The following SEC23A variants were observed in gnomAD, a reference collection of about 807,000 sequenced individuals.
SEC23A encodes protein transport protein Sec23A.
SEC23A carries 56 observed loss-of-function variants against 103.7 expected under a neutral mutation model. The ratio of observed to expected loss-of-function variants is 0.54; its 90% CI spans 0.44 to 0.67. SEC23A has a LOEUF of 0.67. SEC23A is among the 30% of genes least tolerant of loss of function. SEC23A has a pLI of 0.00. For synonymous variants in SEC23A, 281 were observed against 293.0 expected, an observed-to-expected ratio of 0.96 and a Z score of 0.42; for missense variants, 784 against 936.4, an observed-to-expected ratio of 0.84 and a Z score of 2.12.
chr14:39,054,551 G>A (rs1886177772), intron 14 of SEC23A, among the ~76,000 whole-genome samples: 1 of 151,866 alleles, frequency 6.6e-6, no homozygotes. Context: ...GCTCACTGCA[G>A]CCTCAAACCT....
At chr14:39,048,067 C>T (rs1374596363) in intron 15 of SEC23A, among the ~76,000 whole-genome samples, 1 of 152,140 alleles carries the variant, frequency 6.6e-6, no homozygotes, top group African/African-American at 2.4e-5. Context: ...CCCCTTATGT[C>T]AAATGGAAAA....
At chr14:39,059,807 C>A (rs1003843400) in intron 13 of SEC23A, among the ~76,000 whole-genome samples, 3 of 152,072 alleles carry the variant, frequency 2.0e-5, no homozygotes, top group African/African-American at 7.2e-5. Flanking sequence ...GATATAATGC[C>A]ATTATCATAT....
chr14:39,067,858 T>C (rs1006089178), intron 9 of SEC23A, among the ~76,000 whole-genome samples: 2 of 151,908 alleles, frequency 1.3e-5, no homozygotes, highest in South Asian at 2.1e-4. Context: ...TTTGTAGAGA[T>C]AGGGTTTTGC....
intron 1 of SEC23A, among the ~76,000 whole-genome samples, chr14:39,101,718 C>T (rs1239646081): frequency 6.6e-6 from 1 of 151,948 alleles, no homozygotes; most frequent in Non-Finnish European, 1.5e-5. Context: ...AATGTACTTG[C>T]CAAGTAAATT....
At chr14:39,041,973 G>C (rs1329933837) in intron 17 of SEC23A, among the ~76,000 whole-genome samples, 1 of 151,578 alleles carries the variant, frequency 6.6e-6, no homozygotes, top group African/African-American at 2.4e-5. Context: ...TTTTTGTAGA[G>C]ACAGGGTCTC....
chr14:39,087,081 A>T, intron 5 of SEC23A, 73 bp from the exon 6 acceptor site: 1 of 916,530 alleles, frequency 1.1e-6, no homozygotes, highest in East Asian at 2.4e-5. Context: ...TATCATGTAT[A>T]AAATGCTGTG....
At chr14:39,058,688 C>G (rs2139219283) in intron 13 of SEC23A, among the ~76,000 whole-genome samples, 1 of 152,282 alleles carries the variant, frequency 6.6e-6, no homozygotes, top group South Asian at 2.1e-4. Context: ...TGTGAATTAT[C>G]TCAGTGTAGT....
intron 2 of SEC23A, among the ~76,000 whole-genome samples, chr14:39,094,275 CAT>C (rs1316529853): frequency 1.8e-5 from 1 of 55,350 alleles, no homozygotes; most frequent in Admixed American, 1.8e-4. Flanking sequence ...CATATATACA[CAT>C]ATACACATAT....
intron 16 of SEC23A, among the ~76,000 whole-genome samples, chr14:39,043,397 A>T (rs1427315105): frequency 1.3e-5 from 2 of 152,238 alleles, no homozygotes; most frequent in East Asian, 3.8e-4. Flanking sequence ...TGAGGTAACA[A>T]ACAATTTAAA....
intron 2 of SEC23A, among the ~76,000 whole-genome samples, chr14:39,094,445 T>TA (rs1887817039): frequency 4.2e-5 from 1 of 23,770 alleles, no homozygotes; most frequent in Non-Finnish European, 6.7e-5. Flanking sequence ...TATATATATT[T>TA]TTTTTTTTTT....
chr14:39,045,021 A>G, intron 16 of SEC23A, 142 bp downstream of exon 16: 1 of 722,792 alleles, frequency 1.4e-6, no homozygotes, highest in Non-Finnish European at 2.4e-6. Flanking sequence ...TTTTAAGCGA[A>G]TACATTAATA....
chr14:39,099,593 A>G (rs2139305734), intron 1 of SEC23A, among the ~76,000 whole-genome samples: 1 of 152,370 alleles, frequency 6.6e-6, no homozygotes, highest in South Asian at 2.1e-4. Flanking sequence ...ATTAACATTT[A>G]GAAGATATAC....
At chr14:39,064,724 C>T (rs762141570) in intron 11 of SEC23A, 189 bp downstream of exon 11, 91 of 602,444 alleles carry the variant, frequency 1.5e-4, no homozygotes, top group Middle Eastern at 7.8e-4. Context: ...CCTGTGCGTT[C>T]GCTGTGTCTT....
At chr14:39,056,927 G>A (rs1261116099) in intron 13 of SEC23A, among the ~76,000 whole-genome samples, 2 of 152,090 alleles carry the variant, frequency 1.3e-5, no homozygotes, top group East Asian at 1.9e-4. Flanking sequence ...AGTCAGCATG[G>A]TGGCACACAT....
At chr14:39,075,681 T>C (rs543957077) in intron 8 of SEC23A, among the ~76,000 whole-genome samples, 2 of 152,318 alleles carry the variant, frequency 1.3e-5, no homozygotes, top group South Asian at 2.1e-4. Flanking sequence ...TAAAAAGGCA[T>C]AGAATGTTTC....
At chr14:39,061,279 C>T (rs1423699528) in intron 13 of SEC23A, among the ~76,000 whole-genome samples, 2 of 151,962 alleles carry the variant, frequency 1.3e-5, no homozygotes, top group African/African-American at 2.4e-5. Flanking sequence ...AGTACGTTCA[C>T]GGCTTCCGCA....
rs544831549 is a variant in SEC23A, at chr14:39,085,684, A to T, written c.828+78T>A. On this transcript the variant is annotated intron_variant, in intron 7 of 19. Transcript: ENST00000307712. Reference sequence around the variant, plus strand: ...TTTGGTTCTTCTTATCCTTATAATTATATATACACACACACACACACACAC... The same window carrying T: ...TTTGGTTCTTCTTATCCTTATAATTTTATATACACACACACACACACACAC... The T allele has an allele frequency of 4.2e-4, 305 of 728,378 alleles. 3 individuals are homozygous for T. The South Asian group carries it at 5.6e-3, about 13-fold the overall frequency. The allele number at this position is 728,378 out of a possible 1,614,324, so 45.1% of individuals were successfully genotyped here.
intron 15 of SEC23A, 119 bp downstream of exon 15, chr14:39,048,533 C>G: frequency 2.9e-6 from 2 of 684,470 alleles, no homozygotes; most frequent in Non-Finnish European, 5.2e-6. Context: ...CCCGGAGTTC[C>G]AGGTTACAGT....
chr14:39,063,911 G>A (rs939082143), intron 11 of SEC23A, among the ~76,000 whole-genome samples: 3 of 152,058 alleles, frequency 2.0e-5, no homozygotes, highest in Non-Finnish European at 4.4e-5. Context: ...CAGGAGAATG[G>A]CGTGAACCTA....
Sources: gnomAD v4.1 joint callset for allele counts (sites outside exome capture counted in the v4.1 genomes callset) on GRCh38, gnomAD v4.1.1 for gene constraint, MANE v1.5 for transcripts, NCBI Gene and HGNC (gene_info 2026-07-23, HGNC 2026-07-21) for gene names.